AGBL2: variants seen among roughly 807,000 people sequenced by gnomAD.
The protein encoded by AGBL2 is cytosolic carboxypeptidase 2.
A neutral mutation model predicts 103.0 loss-of-function variants in AGBL2; 87 were observed. The observed-to-expected ratio is 0.84, with a 90% confidence interval of 0.71 to 1.01. The LOEUF is 1.01. AGBL2 is among the 50% of genes least tolerant of loss of function. The pLI, the probability that AGBL2 is intolerant of heterozygous loss-of-function variation, is 0.00. For synonymous variants in AGBL2, 335 were observed against 356.7 expected, an observed-to-expected ratio of 0.94 and a Z score of 0.69; for missense variants, 904 against 1,023.5, an observed-to-expected ratio of 0.88 and a Z score of 1.59.
rs1428172302 is a variant in AGBL2, at chr11:47,690,663, G to A, written c.1044C>T (p.Thr348=). 1.2e-6 allele frequency: 2 copies of A among 1,614,116 alleles called. No individual in the cohort carries two copies. Among genetic ancestry groups the A allele is most frequent in the Non-Finnish European group, 1.7e-6 (2 of 1,180,016 alleles). ...PLLYSQLDAN[T]RNIGWRREGN... ...CTTCTCTCCTCCAGCCAATATTGCG[G>A]GTGTTGGCATCCAATTGGGAGTACA... The change falls in exon 10 of 19, where the codon ACC becomes ACT. Residue 348 remains threonine, a synonymous_variant. Transcript: ENST00000525123.
intron 7 of AGBL2, among the ~76,000 whole-genome samples, chr11:47,702,323 G>A (rs993230393): frequency 2.6e-5 from 4 of 151,858 alleles, no homozygotes; most frequent in African/African-American, 7.3e-5. Context: ...GGATCATTTC[G>A]AACTCATCCT....
intron 11 of AGBL2, among the ~76,000 whole-genome samples, chr11:47,682,949 C>G (rs1214741377): frequency 7.0e-6 from 1 of 143,452 alleles, no homozygotes; most frequent in African/African-American, 2.6e-5. Flanking sequence ...GGTGTGATTT[C>G]CTGAAAGAAA....
At chr11:47,676,783 C>T (rs533603859) in intron 14 of AGBL2, among the ~76,000 whole-genome samples, 2 of 138,424 alleles carry the variant, frequency 1.4e-5, no homozygotes, top group Admixed American at 8.0e-5. Context: ...CGCGCCACTG[C>T]AGCCTGGGCG....
chr11:47,683,129 G>A (rs1369419943), intron 11 of AGBL2, among the ~76,000 whole-genome samples: 1 of 152,182 alleles, frequency 6.6e-6, no homozygotes, highest in Admixed American at 6.6e-5. Flanking sequence ...CCAGCACTTT[G>A]GGAGGCCGAG....
intron 13 of AGBL2, among the ~76,000 whole-genome samples, chr11:47,677,615 A>G (rs1329971275): frequency 6.6e-6 from 1 of 151,748 alleles, no homozygotes; most frequent in African/African-American, 2.4e-5. Flanking sequence ...CACCACACTC[A>G]GCTAATTTTG....
intron 14 of AGBL2, among the ~76,000 whole-genome samples, chr11:47,671,611 C>A (rs2097357834): frequency 6.6e-6 from 1 of 152,242 alleles, no homozygotes; most frequent in Non-Finnish European, 1.5e-5. Flanking sequence ...GATTTCAAAC[C>A]ATTCAGCTGC....
At chr11:47,712,376 T>C (rs956958883) in intron 3 of AGBL2, among the ~76,000 whole-genome samples, 1 of 152,194 alleles carries the variant, frequency 6.6e-6, no homozygotes. Context: ...CCATCTTATT[T>C]CAATATACCA....
Position 47,691,345 on chromosome 11 carries a change from A to T in AGBL2, c.849-487T>A, listed in dbSNP as rs554123423. On this transcript the variant is annotated intron_variant, in intron 9 of 18. Coordinates refer to ENST00000525123, the MANE Select transcript of AGBL2 (RefSeq NM_024783.4). Reference sequence around the variant, plus strand: ...CATAGAAAAACACCTGAAATTTATGAAGTGGAAAAAAAATTTGCCAATTTG... The same window carrying T: ...CATAGAAAAACACCTGAAATTTATGTAGTGGAAAAAAAATTTGCCAATTTG... Among the ~76,000 whole-genome samples, 4 of 152,072 alleles carry T rather than the reference A, an allele frequency of 2.6e-5. No homozygotes were observed. In the East Asian group the frequency reaches 7.8e-4, roughly 29 times the overall value.
rs11820800 is a variant in AGBL2, at chr11:47,691,581, G to A, written c.848+522C>T. ...AAATTAGCCAGGCATGGTGGCAGGC[G>A]CCTGTAGTCCTAGCTACTCAGGAGG... On this transcript the variant is annotated intron_variant, in intron 9 of 18. Coordinates refer to ENST00000525123, the MANE Select transcript of AGBL2 (RefSeq NM_024783.4). Among the ~76,000 whole-genome samples, 780 of 147,808 alleles carry A rather than the reference G, an allele frequency of 5.3e-3. 12 individuals carry two copies. Among genetic ancestry groups the A allele is most frequent in the African/African-American group, 0.018 (731 of 40,276 alleles).
At position 47,678,913 on chromosome 11, in the gene AGBL2, G is replaced by A. The variant is rs1722644768; in HGVS notation, c.2016+1060C>T. On this transcript the variant is annotated intron_variant, in intron 13 of 18. Coordinates refer to ENST00000525123, the MANE Select transcript of AGBL2 (RefSeq NM_024783.4). ...TCTGTACTAAAAAATACAAAAATTA[G>A]CCGGACGTGGTGGTGCACGCCTGTA... is the stretch of plus-strand genomic sequence containing the variant. 2.0e-5 allele frequency among the ~76,000 whole-genome samples: 3 copies of A among 151,056 alleles called. No homozygotes were observed. The South Asian group carries it at 6.3e-4, about 32-fold the overall frequency.
chr11:47,681,754 G>A (rs1197311183), intron 12 of AGBL2, among the ~76,000 whole-genome samples: 1 of 152,122 alleles, frequency 6.6e-6, no homozygotes, highest in African/African-American at 2.4e-5. Flanking sequence ...CACTGCGCCT[G>A]GCCTGATTCC....
intron 7 of AGBL2, among the ~76,000 whole-genome samples, chr11:47,701,267 G>A (rs7935528): frequency 0.35 from 53,131 of 150,924 alleles, 10,510 homozygotes; most frequent in South Asian, 0.52. Flanking sequence ...TCAGGAGTTC[G>A]AGACCAGCCT....
intron 12 of AGBL2, 138 bp downstream of exon 12, chr11:47,681,831 T>C: frequency 9.2e-7 from 1 of 1,090,200 alleles, no homozygotes; most frequent in South Asian, 1.8e-5. Flanking sequence ...TGTTGGGCAC[T>C]CAAATTTAGC....
Position 47,659,908 on chromosome 11 carries a change from C to A in AGBL2, c.*265G>T, listed in dbSNP as rs772642572. The stretch of plus-strand genomic sequence containing the variant: ...ATATCTGTGCTGCCATGAAGTGTGC[C>A]ATGAGAACACACTTCAGTTTCTGAT... On this transcript the variant is annotated 3_prime_UTR_variant, in exon 19 of 19. Coordinates refer to ENST00000525123, the MANE Select transcript of AGBL2 (RefSeq NM_024783.4). 3.0e-6 allele frequency: 1 copy of A among 333,256 alleles called. No individual in the cohort carries two copies. The highest frequency in any genetic ancestry group is 5.4e-6 in the Non-Finnish European group (1 of 184,828). 20.6% of individuals were successfully genotyped at this position (333,256 alleles called of 1,614,324 possible). A position where few individuals can be genotyped will look rare whatever the true frequency, so the allele number is the denominator to read the frequency against.
chr11:47,666,188 G>A (rs2097340797), intron 17 of AGBL2, among the ~76,000 whole-genome samples: 1 of 151,844 alleles, frequency 6.6e-6, no homozygotes. Context: ...GAGTTTAGCA[G>A]TTTGAGACCA....
Position 47,704,669 on chromosome 11 carries a change from C to T in AGBL2, c.460G>A (p.Asp154Asn). The T allele has an allele frequency of 1.2e-6, 2 of 1,614,042 alleles. No homozygotes were observed. The highest frequency in any genetic ancestry group is 1.1e-5 in the South Asian group (1 of 91,072). Residue 154 changes from aspartate to asparagine, a missense_variant, in exon 7 of 19, where the codon GAT becomes AAT. Asp to Asn is a conservative substitution (Grantham distance 23). Coordinates refer to ENST00000525123, the MANE Select transcript of AGBL2 (RefSeq NM_024783.4). ...RSRQLLYDEL[D>N]EVNPRLREPQ... ...TCTCGAAGACGTGGGTTTACTTCAT[C>T]CAACTCATCATAAAGAAGCTGTCTG...
chr11:47,714,767 G>T lies in AGBL2; in HGVS notation c.-100-17C>A. ...CAAGAGAAGCTACAAAGCCACAAGA[G>T]GACAAGTGAAAAAACTGCCAATACC... On this transcript the variant is annotated splice_polypyrimidine_tract_variant and intron_variant, in intron 1 of 18. Transcript: ENST00000525123. The T allele has an allele frequency of 9.3e-7, 1 of 1,080,302 alleles. No homozygotes were observed. The highest frequency in any genetic ancestry group is 1.4e-6 in the Non-Finnish European group (1 of 701,914). 66.9% of individuals were successfully genotyped at this position (1,080,302 alleles called of 1,614,324 possible).
intron 3 of AGBL2, among the ~76,000 whole-genome samples, chr11:47,712,347 T>C (rs2097538376): frequency 6.6e-6 from 1 of 152,168 alleles, no homozygotes; most frequent in South Asian, 2.1e-4. Flanking sequence ...AAATTAATAC[T>C]AATACAATGA....
intron 18 of AGBL2, among the ~76,000 whole-genome samples, chr11:47,662,237 A>G (rs1697302301): frequency 6.7e-6 from 1 of 149,666 alleles, no homozygotes. Context: ...GCCGTGGTGC[A>G]ATCTTGGTTC....
Sources: allele counts gnomAD v4.1 joint callset (sites outside exome capture counted in the v4.1 genomes callset), GRCh38; gene constraint gnomAD v4.1.1; transcripts MANE v1.5; gene names NCBI Gene and HGNC (gene_info 2026-07-23, HGNC 2026-07-21).